PLEKHA4: variants seen among roughly 807,000 people sequenced by gnomAD.
PLEKHA4 encodes pleckstrin homology domain containing A4, also known as pleckstrin homology domain-containing family A member 4.
PLEKHA4 carries 73 observed loss-of-function variants against 94.7 expected under a neutral mutation model. That is an observed-to-expected ratio of 0.77 (90% CI 0.64 to 0.94). The LOEUF (loss-of-function observed/expected upper bound fraction) is 0.94. Ranked by LOEUF, PLEKHA4 falls within the 40% of genes least tolerant of loss-of-function variation. The pLI, the probability that PLEKHA4 is intolerant of heterozygous loss-of-function variation, is 0.00. For synonymous variants in PLEKHA4, 449 were observed against 437.1 expected (o/e 1.03, Z -0.34); for missense variants, 1,049 against 1,054.1 (o/e 1.00, Z 0.07).
chr19:48,841,402 G>C, intron 16 of PLEKHA4, 92 bp from the exon 17 acceptor site: 1 of 1,351,804 alleles, frequency 7.4e-7, no homozygotes, highest in East Asian at 2.5e-5. Context: ...TGAGTAGAGA[G>C]GATCACTTGA....
At position 48,841,233 on chromosome 19, in the gene PLEKHA4, G is replaced by C; in HGVS notation, c.1821C>G (p.Pro607=). The C allele has an allele frequency of 6.2e-7, 1 of 1,613,594 alleles. No homozygotes were observed. Among genetic ancestry groups the C allele is most frequent in the Non-Finnish European group, 8.5e-7 (1 of 1,179,884 alleles). Residue 607 remains proline (P), a synonymous_variant, in exon 17 of 20, where the codon CCC becomes CCG. Transcript: ENST00000263265. ...RMRRNQECGR[P]FPRPTSPRLL... The stretch of plus-strand genomic sequence containing the variant: ...GCCGGGGGGAGGTCGGGCGAGGGAA[G>C]GGCCGTCCACATTCCTGGTTTCTGC...
Position 48,838,746 on chromosome 19 carries a change from G to A in PLEKHA4, c.1964+459C>T, listed in dbSNP as rs111831181. Among the ~76,000 whole-genome samples, 640 of 139,652 alleles carry A rather than the reference G, an allele frequency of 4.6e-3. 2 individuals carry two copies. The highest frequency in any genetic ancestry group is 0.016 in the African/African-American group (602 of 36,700). The allele number at this position is 139,652 out of a possible 152,430, so 91.6% of individuals were successfully genotyped here. On this transcript the variant is annotated intron_variant, in intron 18 of 19. Transcript: ENST00000263265. ...CACGCCATTGCACTCCAGCCTGGGA[G>A]ACAGAGCAAGACTCCGTCTCAAAAA...
chr19:48,845,739 G>T, intron 14 of PLEKHA4, 123 bp from the exon 15 acceptor site: 1 of 807,926 alleles, frequency 1.2e-6, no homozygotes, highest in Non-Finnish European at 1.8e-6. Context: ...ACCAGGCCGG[G>T]CGCAGTGGCT....
chr19:48,857,378 A>AGGGAGG (rs2036462385), intron 9 of PLEKHA4, 44 bp downstream of exon 9: 1 of 770,758 alleles, frequency 1.3e-6, no homozygotes, highest in East Asian at 2.7e-5. Flanking sequence ...GAAGAAAGGA[A>AGGGAGG]GGGAGGGGGC....
intron 10 of PLEKHA4, 31 bp downstream of exon 10, chr19:48,854,186 C>G: frequency 3.1e-6 from 5 of 1,613,488 alleles, no homozygotes; most frequent in Non-Finnish European, 4.2e-6. Flanking sequence ...ACTCTGGGAA[C>G]TCAGCAAGGA....
Position 48,867,554 on chromosome 19 carries a change from T to C in PLEKHA4, c.67A>G (p.Ser23Gly). Residue 23 changes from serine to glycine, a missense_variant, in exon 2 of 20, where the codon AGC becomes GGC. Physicochemically the swap from Ser to Gly is moderately conservative, Grantham distance 56 (BLOSUM62 0). Transcript: ENST00000263265. The surrounding 1 kb of genome is among the most constrained non-coding windows in gnomAD (Gnocchi z 4.7). ...GCTCAAACCTTGGGGCTCAGGCTGC[T>C]GAGCGAGGAGATGGTGGAGGCGCTG... ...ASSASTISSL[S>G]SLSPKKPTRA... The C allele has an allele frequency of 6.2e-7, 1 of 1,600,456 alleles. No homozygotes were observed. Among genetic ancestry groups the C allele is most frequent in the Non-Finnish European group, 8.5e-7 (1 of 1,175,966 alleles).
In PLEKHA4 at chr19:48,861,666, T is replaced by C. The variant is rs1253863974; in HGVS notation, c.219A>G (p.Lys73=). ...GGCCGGAGAGGACGAACCAGCGGCG[T>C]TTCCAGAGACGGAGCCCCGAGCTGT... ...KQDSSGLRLW[K]RRWFVLSGHC... The change falls in exon 4 of 20, where the codon AAA becomes AAG. Residue 73 remains lysine, a synonymous_variant. Transcript: ENST00000263265. The C allele has an allele frequency of 1.2e-6, 2 of 1,613,852 alleles. No individual in the cohort carries two copies. The highest frequency in any genetic ancestry group is 2.7e-5 in the African/African-American group (2 of 74,842).
Position 48,841,243 on chromosome 19 carries a change from C to T in PLEKHA4, c.1811G>A (p.Cys604Tyr). ...QLERMRRNQECGRPFPRPTSP... is the reference protein window; with the variant it reads ...QLERMRRNQEYGRPFPRPTSP... ...GGTCGGGCGAGGGAAGGGCCGTCCACATTCCTGGTTTCTGCGCATCCGCTC... is the reference window on the plus strand; with the variant it reads ...GGTCGGGCGAGGGAAGGGCCGTCCATATTCCTGGTTTCTGCGCATCCGCTC... The change falls in exon 17 of 20, where the codon TGT becomes TAT. Residue 604 changes from cysteine to tyrosine, a missense_variant. Transcript: ENST00000263265. 1 of 1,613,722 alleles carries T rather than the reference C, an allele frequency of 6.2e-7. No homozygotes were observed. Among genetic ancestry groups the T allele is most frequent in the Non-Finnish European group, 8.5e-7 (1 of 1,179,908 alleles).
intron 7 of PLEKHA4, 86 bp downstream of exon 7, chr19:48,859,383 C>T: frequency 7.0e-7 from 1 of 1,419,816 alleles, no homozygotes; most frequent in African/African-American, 1.4e-5. Context: ...CACACTCAAG[C>T]AGAAAGCGCT....
chr19:48,864,624 G>A (rs1224886042), intron 3 of PLEKHA4, among the ~76,000 whole-genome samples: 3 of 152,094 alleles, frequency 2.0e-5, no homozygotes, highest in African/African-American at 7.2e-5. Flanking sequence ...GCAGTGACAT[G>A]AACACAGTTC....
At chr19:48,854,820 C>T (rs1005744522) in intron 9 of PLEKHA4, among the ~76,000 whole-genome samples, 3 of 151,254 alleles carry the variant, frequency 2.0e-5, no homozygotes, top group Non-Finnish European at 2.9e-5. Flanking sequence ...CCACCTCAGC[C>T]TCCCAAGTAG....
intron 14 of PLEKHA4, among the ~76,000 whole-genome samples, chr19:48,846,320 AG>A (rs2035969649): frequency 6.6e-6 from 1 of 151,790 alleles, no homozygotes; most frequent in Non-Finnish European, 1.5e-5. Flanking sequence ...GCGTGGTGGC[AG>A]GTGCCTGTAG....
At chr19:48,855,631 T>A (rs2036374943) in intron 9 of PLEKHA4, among the ~76,000 whole-genome samples, 1 of 146,988 alleles carries the variant, frequency 6.8e-6, no homozygotes, top group Non-Finnish European at 1.5e-5. Context: ...AATAAATAAA[T>A]AAATAAAATA....
At chr19:48,856,542 A>AC (rs895113798) in intron 9 of PLEKHA4, among the ~76,000 whole-genome samples, 13 of 152,062 alleles carry the variant, frequency 8.5e-5, no homozygotes, top group African/African-American at 2.7e-4. Flanking sequence ...ACATGGTGAA[A>AC]CCCCGTCTCT....
rs1306328532 is a variant in PLEKHA4, at chr19:48,839,216, C to T, written c.1953G>A (p.Gly651=). ...CTCCAGTTCCTTACCTACTCCAGGA[C>T]CCAGAGCTTCTGAGCCATTTCTGGG... ...SGAQKWLRSS[G]SWSSPRNTTP... Residue 651 remains glycine (G), a synonymous_variant, in exon 18 of 20, where the codon GGG becomes GGA. Transcript: ENST00000263265. 12 of 1,597,178 alleles carry T rather than the reference C, an allele frequency of 7.5e-6. No homozygotes were observed. The highest frequency in any genetic ancestry group is 5.1e-5 in the Admixed American group (3 of 58,698).
Position 48,858,946 on chromosome 19 carries a change from T to C in PLEKHA4, c.886A>G (p.Thr296Ala), listed in dbSNP as rs767066414. 4 of 1,584,616 alleles carry C rather than the reference T, an allele frequency of 2.5e-6. No homozygotes were observed. The East Asian group carries it at 9.1e-5, about 36-fold the overall frequency. ...TCAGAGGGAGGTCCTCGGCGGGGAG[T>C]AGGGGGTCGGGAGAGGGTCTGGCGT... ...PQRQTLSRPP[T>A]PRRGPPSEAG... Residue 296 changes from threonine (T) to alanine (A), a missense_variant, in exon 8 of 20, where the codon ACT becomes GCT. Thr to Ala is a moderately conservative substitution (Grantham distance 58). Transcript: ENST00000263265.
rs576363586 is a variant in PLEKHA4, at chr19:48,838,968, A to G, written c.1964+237T>C. Among the ~76,000 whole-genome samples the G allele has an allele frequency of 1.5e-3, 223 of 152,022 alleles. 1 individual carries two copies. The highest frequency in any genetic ancestry group is 5.1e-3 in the African/African-American group (211 of 41,480). The stretch of plus-strand genomic sequence containing the variant: ...TCCACTCGCGCGTCACTATCACCCA[A>G]TTTCCTTGATGCAGAAGTAGGATCT... On this transcript the variant is annotated intron_variant, in intron 18 of 19. Transcript: ENST00000263265.
At chr19:48,859,967 T>C in intron 6 of PLEKHA4, 2 of 576,964 alleles carry the variant, frequency 3.5e-6, no homozygotes, top group Non-Finnish European at 6.1e-6. Context: ...GCAGGCCATG[T>C]CAGAGCCTAA....
chr19:48,861,977 AT>A (rs2036658745), intron 3 of PLEKHA4, among the ~76,000 whole-genome samples: 1 of 151,656 alleles, frequency 6.6e-6, no homozygotes, highest in Non-Finnish European at 1.5e-5. Context: ...AAAAAAAAAA[AT>A]TAGCCAGGTG....
Sources: allele counts gnomAD v4.1 joint callset (sites outside exome capture counted in the v4.1 genomes callset), GRCh38; gene constraint gnomAD v4.1.1; non-coding constraint Gnocchi (gnomAD v3.1); transcripts MANE v1.5; gene names NCBI Gene and HGNC (gene_info 2026-07-23, HGNC 2026-07-21).